The following TMPRSS15 variants were observed in gnomAD, a reference collection of about 807,000 sequenced individuals.
TMPRSS15 encodes the protein enteropeptidase.
In TMPRSS15, 128 loss-of-function variants were observed where a neutral mutation model predicts 125.3. The observed-to-expected ratio is 1.02, with a 90% CI of 0.89 to 1.18. The LOEUF (loss-of-function observed/expected upper bound fraction) is 1.18. TMPRSS15 is among the 50% of genes most tolerant of loss of function. TMPRSS15 has a pLI of 0.00. For missense variants in TMPRSS15, 1,283 were observed against 1,212.7 expected (o/e 1.06, Z -0.86); for synonymous variants, 446 against 423.2 (o/e 1.05, Z -0.66).
intron 16 of TMPRSS15, among the ~76,000 whole-genome samples, chr21:18,324,677 G>C (rs1205696791): frequency 6.6e-6 from 1 of 151,992 alleles, no homozygotes; most frequent in Non-Finnish European, 1.5e-5. Context: ...GTGTTTTTCT[G>C]TCAACTAAAG....
At chr21:18,340,004 G>A (rs1466482960) in intron 13 of TMPRSS15, among the ~76,000 whole-genome samples, 3 of 152,164 alleles carry the variant, frequency 2.0e-5, no homozygotes, top group South Asian at 4.1e-4. Flanking sequence ...CACATGAGTG[G>A]ATCCATGAAA....
intron 16 of TMPRSS15, among the ~76,000 whole-genome samples, chr21:18,317,837 TCCATCCCATCCCATCCCATCCCATC>T (rs60306073): frequency 2.4e-3 from 72 of 30,222 alleles, no homozygotes; most frequent in Non-Finnish European, 3.6e-3. Flanking sequence ...CCCATCCTAT[TCCATCCCATCCCATCCCATCCCATC>T]CCATCCCATC....
intron 17 of TMPRSS15, among the ~76,000 whole-genome samples, chr21:18,313,872 C>G (rs2075128861): frequency 7.0e-6 from 1 of 143,314 alleles, no homozygotes; most frequent in Non-Finnish European, 1.5e-5. Context: ...TTAGGGATTA[C>G]TTTAGGAATT....
chr21:18,467,806 A>G (rs1978697245), intron 1 of TMPRSS15, among the ~76,000 whole-genome samples: 2 of 152,144 alleles, frequency 1.3e-5, no homozygotes, highest in Admixed American at 6.6e-5. Context: ...ATATTGTCCT[A>G]TGGATGCTAC....
intron 1 of TMPRSS15, among the ~76,000 whole-genome samples, chr21:18,454,373 T>C (rs778695416): frequency 6.6e-6 from 1 of 152,036 alleles, no homozygotes; most frequent in African/African-American, 2.4e-5. Context: ...TTTTAATATG[T>C]GTATTAGTTA....
intron 4 of TMPRSS15, among the ~76,000 whole-genome samples, chr21:18,382,888 C>T (rs935002045): frequency 4.0e-5 from 6 of 151,842 alleles, no homozygotes; most frequent in Admixed American, 2.0e-4. Context: ...CATTTACAAT[C>T]GTATTTTTTA....
intron 14 of TMPRSS15, among the ~76,000 whole-genome samples, chr21:18,331,535 T>G (rs1324326203): frequency 6.6e-6 from 1 of 152,258 alleles, no homozygotes; most frequent in African/African-American, 2.4e-5. Flanking sequence ...AGACAAATTT[T>G]TTAGTGATCT....
chr21:18,473,303 T>C (rs1978816020), intron 1 of TMPRSS15, among the ~76,000 whole-genome samples: 1 of 152,138 alleles, frequency 6.6e-6, no homozygotes, highest in Non-Finnish European at 1.5e-5. Flanking sequence ...TGTTATTTTA[T>C]AAAATCTGCA....
At chr21:18,459,339 T>G (rs1415085723) in intron 1 of TMPRSS15, among the ~76,000 whole-genome samples, 1 of 152,048 alleles carries the variant, frequency 6.6e-6, no homozygotes, top group African/African-American at 2.4e-5. Context: ...AGTGGCACTA[T>G]CTTGGCTCAT....
intron 19 of TMPRSS15, among the ~76,000 whole-genome samples, chr21:18,296,090 T>C (rs2074904153): frequency 6.6e-6 from 1 of 152,044 alleles, no homozygotes; most frequent in Admixed American, 6.6e-5. Flanking sequence ...GAGGTGGAGC[T>C]TGCAGTGAGC....
intron 1 of TMPRSS15, among the ~76,000 whole-genome samples, chr21:18,470,279 C>A (rs919631229): frequency 3.3e-5 from 5 of 151,806 alleles, no homozygotes; most frequent in African/African-American, 9.7e-5. Context: ...TATTCCATTC[C>A]ATGTACTTGA....
At chr21:18,441,661 CATTATTATTATTATTATTATTATT>C (rs113071625) in intron 1 of TMPRSS15, among the ~76,000 whole-genome samples, 7 of 134,730 alleles carry the variant, frequency 5.2e-5, no homozygotes, top group Admixed American at 3.1e-4. Flanking sequence ...CTTTAGGACA[CATTATTATTATTATTATTATTATT>C]ATTATTATTA....
chr21:18,425,628 A>G (rs187569756), intron 1 of TMPRSS15, among the ~76,000 whole-genome samples: 2 of 152,142 alleles, frequency 1.3e-5, no homozygotes, highest in East Asian at 3.9e-4. Context: ...CTTAACAAGT[A>G]TTTATGTATC....
At chr21:18,478,968 A>G (rs1285515764) in intron 1 of TMPRSS15, among the ~76,000 whole-genome samples, 2 of 151,998 alleles carry the variant, frequency 1.3e-5, no homozygotes, top group African/African-American at 2.4e-5. Flanking sequence ...ACTTGAGAAC[A>G]GAACTCTTTC....
chr21:18,325,884 G>T (rs1283365584), intron 16 of TMPRSS15, among the ~76,000 whole-genome samples: 1 of 151,694 alleles, frequency 6.6e-6, no homozygotes, highest in African/African-American at 2.4e-5. Flanking sequence ...CCGCTATTTT[G>T]TTTGCTCCTG....
intron 10 of TMPRSS15, among the ~76,000 whole-genome samples, chr21:18,349,192 T>C (rs1387148406): frequency 6.6e-6 from 1 of 152,224 alleles, no homozygotes. Flanking sequence ...CCTATATTTC[T>C]GAAGTTTCCA....
intron 1 of TMPRSS15, among the ~76,000 whole-genome samples, chr21:18,429,219 G>A (rs1199222372): frequency 6.6e-6 from 1 of 152,134 alleles, no homozygotes; most frequent in Admixed American, 6.6e-5. Flanking sequence ...TACCCCCAGT[G>A]TATCTAGGCT....
Position 18,416,000 on chromosome 21 carries a change from A to G in TMPRSS15, c.11-17671T>C, listed in dbSNP as rs368845074. Reference sequence around the variant, plus strand: ...CAAAAAATCAGTTGTATTTCAAAACATTAACAAGGAACCATTCTAAAAATA... The same window carrying G: ...CAAAAAATCAGTTGTATTTCAAAACGTTAACAAGGAACCATTCTAAAAATA... On this transcript the variant is annotated intron_variant, in intron 1 of 7. Coordinates refer to the TMPRSS15 transcript ENST00000422787. Among the ~76,000 whole-genome samples the G allele has an allele frequency of 2.0e-3, 303 of 152,204 alleles. 1 individual carries two copies. Among genetic ancestry groups the G allele is most frequent in the South Asian group, 6.6e-3 (32 of 4,828 alleles).
chr21:18,273,285 A>G (rs1381969791), intron 24 of TMPRSS15, among the ~76,000 whole-genome samples: 2 of 152,240 alleles, frequency 1.3e-5, no homozygotes, highest in African/African-American at 4.8e-5. Flanking sequence ...GTAAGGCTAA[A>G]AAATGATGCT....
Sources: allele counts gnomAD v4.1 joint callset (sites outside exome capture counted in the v4.1 genomes callset), GRCh38; gene constraint gnomAD v4.1.1; transcripts MANE v1.5; gene names NCBI Gene and HGNC (gene_info 2026-07-23, HGNC 2026-07-21).